Variants in IMMP2L observed in about 807,000 individuals in gnomAD.
IMMP2L encodes the protein inner mitochondrial membrane peptidase subunit 2.
Under a neutral mutation model 19.3 loss-of-function variants are expected in IMMP2L, and 18 were observed. That is an observed-to-expected ratio of 0.93 (90% CI 0.64 to 1.38). IMMP2L has a LOEUF of 1.38. IMMP2L is among the 40% of genes most tolerant of loss of function. The pLI, the probability that IMMP2L is intolerant of heterozygous loss-of-function variation, is 0.00. For missense variants in IMMP2L, 233 were observed against 218.2 expected, an observed-to-expected ratio of 1.07 and a Z score of -0.43; for synonymous variants, 76 against 73.0, an observed-to-expected ratio of 1.04 and a Z score of -0.21.
At chr7:110,705,484 G>T (rs966682801) in intron 5 of IMMP2L, among the ~76,000 whole-genome samples, 2 of 152,236 alleles carry the variant, frequency 1.3e-5, no homozygotes, top group African/African-American at 4.8e-5. Flanking sequence ...AAGATTATAT[G>T]AAACGTCTTG....
At chr7:111,322,263 T>C (rs1333591273) in intron 3 of IMMP2L, among the ~76,000 whole-genome samples, 1 of 151,908 alleles carries the variant, frequency 6.6e-6, no homozygotes, top group Non-Finnish European at 1.5e-5. Context: ...GCCAGACCCA[T>C]GGAAATAGTA....
intron 3 of IMMP2L, among the ~76,000 whole-genome samples, chr7:111,037,772 GTAAT>G (rs1210528074): frequency 1.3e-5 from 2 of 152,100 alleles, no homozygotes; most frequent in African/African-American, 2.4e-5. Context: ...ACAATTTACA[GTAAT>G]TAATTATGTA....
intron 5 of IMMP2L, among the ~76,000 whole-genome samples, chr7:110,692,127 A>G (rs1045086760): frequency 2.0e-5 from 3 of 152,146 alleles, no homozygotes; most frequent in Non-Finnish European, 4.4e-5. Flanking sequence ...CCCCCACAAC[A>G]CACACACCAT....
intron 3 of IMMP2L, among the ~76,000 whole-genome samples, chr7:111,434,521 T>G (rs548040770): frequency 5.0e-4 from 76 of 151,622 alleles, no homozygotes; most frequent in South Asian, 2.5e-3. Flanking sequence ...TCTTTTTGTT[T>G]TTTTGTCTTG....
chr7:110,750,205 G>C (rs1273172093), intron 5 of IMMP2L, among the ~76,000 whole-genome samples: 4 of 151,880 alleles, frequency 2.6e-5, no homozygotes, highest in Non-Finnish European at 5.9e-5. Flanking sequence ...CACTGATCTG[G>C]GTCTTCAGAA....
At chr7:110,999,618 A>G (rs1362896163) in intron 3 of IMMP2L, among the ~76,000 whole-genome samples, 1 of 151,948 alleles carries the variant, frequency 6.6e-6, no homozygotes, top group Non-Finnish European at 1.5e-5. Context: ...AAAAAAAAAA[A>G]AAAAACCAAG....
At chr7:111,443,798 A>C (rs912792984) in intron 3 of IMMP2L, among the ~76,000 whole-genome samples, 3 of 152,048 alleles carry the variant, frequency 2.0e-5, no homozygotes, top group African/African-American at 7.2e-5. Context: ...AACTTAGTGT[A>C]TTTTCAATTT....
chr7:110,673,634 G>C (rs932370648), intron 5 of IMMP2L, among the ~76,000 whole-genome samples: 1 of 152,086 alleles, frequency 6.6e-6, no homozygotes, highest in East Asian at 1.9e-4. Context: ...TCTCTCTCAC[G>C]TTTAAAGTTC....
At chr7:111,159,567 G>C (rs1268357303) in intron 3 of IMMP2L, among the ~76,000 whole-genome samples, 1 of 152,036 alleles carries the variant, frequency 6.6e-6, no homozygotes, top group Non-Finnish European at 1.5e-5. Context: ...ACAAAAGGAA[G>C]GAAACAAAAT....
chr7:111,322,390 C>G (rs1330710288), intron 3 of IMMP2L, among the ~76,000 whole-genome samples: 1 of 151,748 alleles, frequency 6.6e-6, no homozygotes, highest in African/African-American at 2.4e-5. Context: ...GAATTTAACA[C>G]AAGCATAATA....
At chr7:111,561,194 G>A (rs1422620045) in intron 1 of IMMP2L, among the ~76,000 whole-genome samples, 1 of 152,132 alleles carries the variant, frequency 6.6e-6, no homozygotes, top group Admixed American at 6.5e-5. Context: ...ATCACAGTAA[G>A]CCTCAGAGAA....
chr7:111,214,123 T>A, intron 3 of IMMP2L, among the ~76,000 whole-genome samples: 1 of 152,100 alleles, frequency 6.6e-6, no homozygotes, highest in East Asian at 1.9e-4. Context: ...ATCTGTTCCC[T>A]TTTACTATCC....
chr7:111,498,070 A>G (rs1323718081), intron 2 of IMMP2L, among the ~76,000 whole-genome samples: 1 of 151,974 alleles, frequency 6.6e-6, no homozygotes, highest in Non-Finnish European at 1.5e-5. Context: ...TGATTTTTAT[A>G]TCCTCTTATT....
At chr7:110,805,182 A>T (rs929743624) in intron 5 of IMMP2L, among the ~76,000 whole-genome samples, 3 of 152,134 alleles carry the variant, frequency 2.0e-5, no homozygotes, top group African/African-American at 7.2e-5. Flanking sequence ...GGTGCTCAAG[A>T]AGTGTTTCAT....
chr7:110,967,913 T>C (rs1214503293), intron 3 of IMMP2L, among the ~76,000 whole-genome samples: 1 of 152,122 alleles, frequency 6.6e-6, no homozygotes, highest in Non-Finnish European at 1.5e-5. Flanking sequence ...TGAAAAAATG[T>C]TGCCAGAGTT....
rs1798479511 is a variant in IMMP2L, at chr7:110,763,580, TC to T, written c.409-99860del. Among the ~76,000 whole-genome samples the T allele has an allele frequency of 2.0e-5, 3 of 152,076 alleles. No homozygotes were observed. In the South Asian group the frequency reaches 6.2e-4, roughly 31 times the overall value. On this transcript the variant is annotated intron_variant, in intron 5 of 5. Transcript: ENST00000405709. The stretch of plus-strand genomic sequence containing the variant: ...ACCTGAACACTACTAAATGGGAAGG[TC>T]TTTTATACACTTTTCTAATAGTTAC...
At chr7:110,899,468 T>C (rs965569476) in intron 4 of IMMP2L, among the ~76,000 whole-genome samples, 1 of 152,190 alleles carries the variant, frequency 6.6e-6, no homozygotes, top group African/African-American at 2.4e-5. Context: ...CTACATTCCA[T>C]ATTTGGCAGC....
At chr7:111,105,426 A>C (rs1234082612) in intron 3 of IMMP2L, among the ~76,000 whole-genome samples, 1 of 151,892 alleles carries the variant, frequency 6.6e-6, no homozygotes, top group East Asian at 1.9e-4. Flanking sequence ...ACAACAGTAC[A>C]TAAATTGACC....
At chr7:110,755,230 AG>A (rs1797970665) in intron 5 of IMMP2L, among the ~76,000 whole-genome samples, 1 of 152,092 alleles carries the variant, frequency 6.6e-6, no homozygotes, top group African/African-American at 2.4e-5. Context: ...AGGTATATTT[AG>A]TTTTCTTTCT....
Sources: gnomAD v4.1 joint callset for allele counts (sites outside exome capture counted in the v4.1 genomes callset) on GRCh38, gnomAD v4.1.1 for gene constraint, MANE v1.5 for transcripts, NCBI Gene and HGNC (gene_info 2026-07-23, HGNC 2026-07-21) for gene names.